Variants in ZNF804B observed in about 807,000 individuals in gnomAD.
ZNF804B encodes zinc finger 804B.
In ZNF804B, 80 loss-of-function variants were observed where a neutral mutation model predicts 101.4. The ratio of observed to expected loss-of-function variants is 0.79; its 90% CI spans 0.66 to 0.95. The LOEUF (loss-of-function observed/expected upper bound fraction) is 0.95, where lower values mean the gene tolerates loss of function less well. ZNF804B is among the 40% of genes least tolerant of loss of function. The pLI is 0.00. For missense variants in ZNF804B, 1,673 were observed against 1,561.9 expected (o/e 1.07, Z -1.20); for synonymous variants, 622 against 558.8 (o/e 1.11, Z -1.59).
At chr7:88,939,074 G>T (rs1793017368) in intron 1 of ZNF804B, among the ~76,000 whole-genome samples, 1 of 152,020 alleles carries the variant, frequency 6.6e-6, no homozygotes, top group Non-Finnish European at 1.5e-5. Flanking sequence ...GAATGAGGAA[G>T]ATTGAAAATA....
chr7:89,154,569 T>C (rs1790926577), intron 1 of ZNF804B, among the ~76,000 whole-genome samples: 1 of 152,098 alleles, frequency 6.6e-6, no homozygotes, highest in Non-Finnish European at 1.5e-5. Context: ...ACAACATGGA[T>C]GGAACTGGAG....
chr7:88,849,735 A>T (rs1173969366), intron 1 of ZNF804B, among the ~76,000 whole-genome samples: 1 of 151,428 alleles, frequency 6.6e-6, no homozygotes, highest in Non-Finnish European at 1.5e-5. Context: ...AATTTTCTTA[A>T]AATTTAAGCT....
intron 2 of ZNF804B, among the ~76,000 whole-genome samples, chr7:89,313,153 A>T (rs1351659160): frequency 1.3e-5 from 2 of 152,196 alleles, no homozygotes; most frequent in Non-Finnish European, 2.9e-5. Flanking sequence ...TCTTAGGAAG[A>T]TTAGATAGTC....
chr7:89,254,385 A>G (rs1789592809), intron 2 of ZNF804B, among the ~76,000 whole-genome samples: 1 of 151,936 alleles, frequency 6.6e-6, no homozygotes, highest in African/African-American at 2.4e-5. Flanking sequence ...CCTAATAATT[A>G]AACTACCATA....
At chr7:88,956,903 C>T (rs1248067640) in intron 1 of ZNF804B, among the ~76,000 whole-genome samples, 2 of 151,442 alleles carry the variant, frequency 1.3e-5, no homozygotes, top group Non-Finnish European at 3.0e-5. Context: ...TCAGACAGAG[C>T]AAACTGTGCC....
At chr7:88,993,602 A>G (rs1200018435) in intron 1 of ZNF804B, among the ~76,000 whole-genome samples, 1 of 152,020 alleles carries the variant, frequency 6.6e-6, no homozygotes, top group Non-Finnish European at 1.5e-5. Context: ...TACAAAGCTT[A>G]CTATCCAACG....
intron 1 of ZNF804B, among the ~76,000 whole-genome samples, chr7:88,915,121 A>G (rs181525425): frequency 6.6e-6 from 1 of 152,132 alleles, no homozygotes; most frequent in Non-Finnish European, 1.5e-5. Context: ...CACCATTTTG[A>G]TATCAATCAC....
chr7:89,194,934 C>T (rs1162754838), intron 1 of ZNF804B, among the ~76,000 whole-genome samples: 1 of 152,080 alleles, frequency 6.6e-6, no homozygotes, highest in East Asian at 1.9e-4. Flanking sequence ...ATTGATTCTT[C>T]CTACCCATGA....
At chr7:89,320,692 G>A (rs1790805211) in intron 2 of ZNF804B, among the ~76,000 whole-genome samples, 2 of 151,938 alleles carry the variant, frequency 1.3e-5, no homozygotes, top group Admixed American at 1.3e-4. Flanking sequence ...TAAAAGGACA[G>A]ATATAATGAA....
At chr7:89,279,781 A>G (rs1408972399) in intron 2 of ZNF804B, among the ~76,000 whole-genome samples, 1 of 151,818 alleles carries the variant, frequency 6.6e-6, no homozygotes, top group Admixed American at 6.6e-5. Context: ...TTTTTGCATC[A>G]ATGTTCATCA....
At chr7:89,214,431 GAT>G (rs1788855980) in intron 1 of ZNF804B, among the ~76,000 whole-genome samples, 1 of 152,036 alleles carries the variant, frequency 6.6e-6, no homozygotes, top group Non-Finnish European at 1.5e-5. Flanking sequence ...AAACTTTACT[GAT>G]ACTGAGAATA....
chr7:89,201,307 C>T (rs1236134711), intron 1 of ZNF804B, among the ~76,000 whole-genome samples: 1 of 151,872 alleles, frequency 6.6e-6, no homozygotes, highest in Non-Finnish European at 1.5e-5. Context: ...GCATAATGGA[C>T]AGAAGCAAAA....
intron 1 of ZNF804B, among the ~76,000 whole-genome samples, chr7:89,209,670 A>C (rs1166816253): frequency 6.6e-6 from 1 of 152,184 alleles, no homozygotes; most frequent in Non-Finnish European, 1.5e-5. Context: ...CCAACAGTCT[A>C]ATTCTCCGTG....
At position 89,194,862 on chromosome 7, in the gene ZNF804B, T is replaced by A. The variant is rs1317471735; in HGVS notation, c.109-23293T>A. On this transcript the variant is annotated intron_variant, in intron 1 of 3. Transcript: ENST00000333190. ...CAATTCTGTGAAGAAAGTCATTGGT[T>A]GCTTGATGGGGATGGCATTGAATCT... 4.3e-3 allele frequency among the ~76,000 whole-genome samples: 651 copies of A among 152,048 alleles called. 4 individuals are homozygous for A. Among genetic ancestry groups the A allele is most frequent in the Non-Finnish European group, 7.0e-3 (474 of 67,952 alleles).
At chr7:89,156,551 A>C (rs1790979079) in intron 1 of ZNF804B, among the ~76,000 whole-genome samples, 1 of 152,188 alleles carries the variant, frequency 6.6e-6, no homozygotes, top group Non-Finnish European at 1.5e-5. Context: ...GAACTCTGAA[A>C]ATTGCTGGGA....
intron 1 of ZNF804B, among the ~76,000 whole-genome samples, chr7:89,166,791 G>A (rs964440943): frequency 6.6e-6 from 1 of 152,144 alleles, no homozygotes; most frequent in African/African-American, 2.4e-5. Flanking sequence ...CCCAAGTGGA[G>A]ATGATTAACA....
At chr7:89,137,803 C>T (rs1469532406) in intron 1 of ZNF804B, among the ~76,000 whole-genome samples, 1 of 152,026 alleles carries the variant, frequency 6.6e-6, no homozygotes, top group Admixed American at 6.6e-5. Context: ...GAAAATGCCT[C>T]CAGGGCATGT....
At chr7:88,922,624 TATAC>T (rs60508134) in intron 1 of ZNF804B, among the ~76,000 whole-genome samples, 40,477 of 151,094 alleles carry the variant, frequency 0.27, 5,449 homozygotes, top group East Asian at 0.4. Context: ...TATATATATA[TATAC>T]ACACACACTT....
At chr7:89,321,114 G>C (rs1187013108) in intron 2 of ZNF804B, among the ~76,000 whole-genome samples, 1 of 152,118 alleles carries the variant, frequency 6.6e-6, no homozygotes, top group Non-Finnish European at 1.5e-5. Context: ...ATATTGAAGA[G>C]TATTAGTTGA....
Sources: allele counts gnomAD v4.1 joint callset (sites outside exome capture counted in the v4.1 genomes callset), GRCh38; gene constraint gnomAD v4.1.1; transcripts MANE v1.5; gene names NCBI Gene and HGNC (gene_info 2026-07-23, HGNC 2026-07-21).